Variants in AGPAT4 observed in about 807,000 individuals in gnomAD.
AGPAT4 encodes 1-acylglycerol-3-phosphate O-acyltransferase 4.
Under a neutral mutation model 48.0 loss-of-function variants are expected in AGPAT4, and 15 were observed. The observed-to-expected ratio is 0.31, with a 90% CI of 0.21 to 0.48. AGPAT4 has a LOEUF of 0.48. AGPAT4 is among the 20% of genes least tolerant of loss of function. The pLI, the probability that AGPAT4 is intolerant of heterozygous loss-of-function variation, is 0.99. For missense variants in AGPAT4, 314 were observed against 482.5 expected, an observed-to-expected ratio of 0.65 and a Z score of 3.27; for synonymous variants, 178 against 198.7, an observed-to-expected ratio of 0.90 and a Z score of 0.88.
intron 2 of AGPAT4, among the ~76,000 whole-genome samples, chr6:161,174,001 C>T (rs1270201452): frequency 1.3e-5 from 2 of 152,118 alleles, no homozygotes; most frequent in South Asian, 2.1e-4. Context: ...TTCCATTGGT[C>T]TATATCTCTG....
Position 161,141,955 on chromosome 6 carries a change from C to T in AGPAT4, c.844-2335G>A, listed in dbSNP as rs1024571530. On this transcript the variant is annotated intron_variant, in intron 7 of 8. Transcript: ENST00000320285. This position sits in a 1 kb window ranked among gnomAD's most constrained non-coding sequence, Gnocchi z 6.7. ...TCCTCTCACTGCAACCTCCGCCTCC[C>T]GGGTTCAAGCAATTTTCCCACCTCA... Among the ~76,000 whole-genome samples, 13 of 151,838 alleles carry T rather than the reference C, an allele frequency of 8.6e-5. No homozygotes were observed. Among genetic ancestry groups the T allele is most frequent in the African/African-American group, 3.1e-4 (13 of 41,400 alleles).
intron 1 of AGPAT4, among the ~76,000 whole-genome samples, chr6:161,241,801 C>T (rs894033960): frequency 6.6e-6 from 1 of 152,200 alleles, no homozygotes; most frequent in African/African-American, 2.4e-5. Context: ...GGCACAATCT[C>T]GGCTCACTGC....
At chr6:161,173,081 G>C (rs901035707) in intron 2 of AGPAT4, among the ~76,000 whole-genome samples, 3 of 152,146 alleles carry the variant, frequency 2.0e-5, no homozygotes, top group African/African-American at 7.2e-5. Context: ...CTTTGCTATT[G>C]TGAATAGTGC....
chr6:161,209,842 T>A (rs75343347), intron 2 of AGPAT4, among the ~76,000 whole-genome samples: 1 of 152,186 alleles, frequency 6.6e-6, no homozygotes, highest in East Asian at 1.9e-4. Context: ...CAGGATGTGA[T>A]GAAGAACAGA....
rs1781891178 is a variant in AGPAT4 at position 161,223,679 on chromosome 6, A to G, written c.178+8357T>C. 6.6e-6 allele frequency among the ~76,000 whole-genome samples: 1 copy of G among 152,198 alleles called. No individual in the cohort carries two copies. Among genetic ancestry groups the G allele is most frequent in the African/African-American group, 2.4e-5 (1 of 41,444 alleles). On this transcript the variant is annotated intron_variant, in intron 2 of 8. Coordinates refer to ENST00000320285, the MANE Select transcript of AGPAT4 (RefSeq NM_020133.3). This position sits in a 1 kb window ranked among gnomAD's most constrained non-coding sequence, Gnocchi z 6.3. ...CCCGTGGAGTGGCACCTCAGAGGCC[A>G]CAGGTTTGAGAACACATCACTTACT...
At position 161,177,614 on chromosome 6, in the gene AGPAT4, T is replaced by C. The variant is rs140746813; in HGVS notation, c.179-11197A>G. ...ACATCCTCCTTTAGCTCGGAGAAGT[T>C]TGTTATTACTGATCGTCTGAAGCCT... On this transcript the variant is annotated intron_variant, in intron 2 of 8. Transcript: ENST00000320285. This position sits in a 1 kb window ranked among gnomAD's most constrained non-coding sequence, Gnocchi z 5.0. Among the ~76,000 whole-genome samples, 1,002 of 152,324 alleles carry C rather than the reference T, an allele frequency of 6.6e-3. 9 individuals carry two copies. Among genetic ancestry groups the C allele is most frequent in the Non-Finnish European group, 9.9e-3 (676 of 68,032 alleles).
chr6:161,213,182 C>A (rs1781561763), intron 2 of AGPAT4, among the ~76,000 whole-genome samples: 1 of 152,202 alleles, frequency 6.6e-6, no homozygotes, highest in African/African-American at 2.4e-5. Context: ...CATGGCTGGG[C>A]TCGGCTTTAA....
Position 161,149,074 on chromosome 6 carries a change from C to G in AGPAT4, c.767+113G>C. The G allele has an allele frequency of 2.2e-6, 3 of 1,384,220 alleles. No individual in the cohort carries two copies. The highest frequency in any genetic ancestry group is 5.0e-5 in the East Asian group (2 of 40,182). The allele number at this position is 1,384,220 out of a possible 1,614,324, so 85.7% of individuals were successfully genotyped here. ...GTCAAATTCAATGCAAAACAGACTG[C>G]AAAGAAGTCAGTGTGACCCAGGGAT... On this transcript the variant is annotated intron_variant, in intron 6 of 8. Transcript: ENST00000320285. This position sits in a 1 kb window ranked among gnomAD's most constrained non-coding sequence, Gnocchi z 6.5.
Position 161,238,329 on chromosome 6 carries a change from G to A in AGPAT4, c.-89-6027C>T, listed in dbSNP as rs1023540138. On this transcript the variant is annotated intron_variant, in intron 1 of 8. Transcript: ENST00000320285. This position sits in a 1 kb window ranked among gnomAD's most constrained non-coding sequence, Gnocchi z 5.2. ...ACACTTGCCAGGATGCCTGGAACGG[G>A]GAAAACCCCAAGTAATGGGGGATTT... Among the ~76,000 whole-genome samples, 4 of 152,162 alleles carry A rather than the reference G, an allele frequency of 2.6e-5. No individual in the cohort carries two copies. The highest frequency in any genetic ancestry group is 7.2e-5 in the African/African-American group (3 of 41,438).
At chr6:161,160,608 T>C in intron 3 of AGPAT4, 1 of 201,472 alleles carries the variant, frequency 5.0e-6, no homozygotes, top group East Asian at 1.1e-4. Flanking sequence ...GGCATGCAGA[T>C]GTGCGGAGAG....
Position 161,166,264 on chromosome 6 carries a change from C to A in AGPAT4, c.332G>T (p.Arg111Leu). 2 of 1,614,078 alleles carry A rather than the reference C, an allele frequency of 1.2e-6. No homozygotes were observed. The highest frequency in any genetic ancestry group is 1.7e-6 in the Non-Finnish European group (2 of 1,179,982). The change falls in exon 3 of 9, where the codon CGC becomes CTC. Residue 111 changes from arginine to leucine, a missense_variant. Arg to Leu is a moderately radical substitution (Grantham distance 102). Coordinates refer to ENST00000320285, the MANE Select transcript of AGPAT4 (RefSeq NM_020133.3). The surrounding 1 kb of genome is among the most constrained non-coding windows in gnomAD (Gnocchi z 6.7). ...DFLCGWSLSERFGLLGGSKVL... is the reference protein window; with the variant it reads ...DFLCGWSLSELFGLLGGSKVL... ...CTGACTTACCCCTAACAGCCCAAAG[C>A]GTTCGGACAGGCTCCAGCCACACAG...
At position 161,137,259 on chromosome 6, in the gene AGPAT4, G is replaced by C. The variant is rs909902489; in HGVS notation, c.1043-625C>G. On this transcript the variant is annotated intron_variant, in intron 8 of 8. Coordinates refer to ENST00000320285, the MANE Select transcript of AGPAT4 (RefSeq NM_020133.3). This position sits in a 1 kb window ranked among gnomAD's most constrained non-coding sequence, Gnocchi z 6.1. ...CAATTTCAACTACACCCTCTGGAGC[G>C]GGCAGATGTGGTGAGGTCCTTGGGT... Among the ~76,000 whole-genome samples, 1 of 152,170 alleles carries C rather than the reference G, an allele frequency of 6.6e-6. No individual in the cohort carries two copies. The highest frequency in any genetic ancestry group is 2.4e-5 in the African/African-American group (1 of 41,442).
rs1301435727 is a variant in AGPAT4 at position 161,133,045 on chromosome 6, C to G, written c.*3495G>C. ...AACCTAGTATGTGGCAAGTCTGGAC[C>G]ACTGCTTTAGAGAAAGCTGGATTAA... On this transcript the variant is annotated 3_prime_UTR_variant, in exon 9 of 9. Coordinates refer to ENST00000320285, the MANE Select transcript of AGPAT4 (RefSeq NM_020133.3). The G allele has an allele frequency of 6.6e-6, 1 of 152,184 alleles. No homozygotes were observed. Among genetic ancestry groups the G allele is most frequent in the African/African-American group, 2.4e-5 (1 of 41,430 alleles). The allele number at this position is 152,184 out of a possible 1,614,324, so 9.4% of individuals were successfully genotyped here. A position where few individuals can be genotyped will look rare whatever the true frequency, so the allele number is the denominator to read the frequency against.
chr6:161,258,170 CATGAGACCTCA>C (rs1446780783), intron 1 of AGPAT4, among the ~76,000 whole-genome samples: 1 of 152,106 alleles, frequency 6.6e-6, no homozygotes, highest in African/African-American at 2.4e-5. Flanking sequence ...TTTTTTCCTC[CATGAGACCTCA>C]AAGACTGAGA....
chr6:161,144,807 C>T lies in AGPAT4; in HGVS notation c.843+1717G>A, dbSNP rs1422680504. On this transcript the variant is annotated intron_variant, in intron 7 of 8. Coordinates refer to ENST00000320285, the MANE Select transcript of AGPAT4 (RefSeq NM_020133.3). The surrounding 1 kb of genome is among the most constrained non-coding windows in gnomAD (Gnocchi z 6.6). ...CATCCTGGCAAACACGGTGAAACCC[C>T]GTCTCTACTAAACATACAAAAAAAT... Among the ~76,000 whole-genome samples, 4 of 152,110 alleles carry T rather than the reference C, an allele frequency of 2.6e-5. No homozygotes were observed. In the East Asian group the frequency reaches 5.8e-4, roughly 22 times the overall value.
In AGPAT4 at chr6:161,180,970, A is replaced by AGTT. The variant is rs1780567490; in HGVS notation, c.179-14554_179-14553insAAC. 6.6e-6 allele frequency among the ~76,000 whole-genome samples: 1 copy of AGTT among 152,334 alleles called. No homozygotes were observed. The highest frequency in any genetic ancestry group is 1.5e-5 in the Non-Finnish European group (1 of 68,038). On this transcript the variant is annotated intron_variant, in intron 2 of 8. Coordinates refer to ENST00000320285, the MANE Select transcript of AGPAT4 (RefSeq NM_020133.3). This position sits in a 1 kb window ranked among gnomAD's most constrained non-coding sequence, Gnocchi z 6.4. Reference sequence around the variant, plus strand: ...CAAAAACAAAGTGGAGTTAAGGAAGAAAGGCCTCTGCTGTCCTATCTGTAA... The same window carrying AGTT: ...CAAAAACAAAGTGGAGTTAAGGAAGAGTTAAGGCCTCTGCTGTCCTATCTGTAA...
rs1339334534 is a variant in AGPAT4 at position 161,197,783 on chromosome 6, A to T, written c.179-31366T>A. Among the ~76,000 whole-genome samples the T allele has an allele frequency of 6.6e-5, 10 of 152,138 alleles. No individual in the cohort carries two copies. The East Asian group carries it at 1.9e-3, about 29-fold the overall frequency. ...CCCACAGAGGGCACCCAGGAGAGTT[A>T]AGTGCCTGCCGGAGTTCTGGAAATA... On this transcript the variant is annotated intron_variant, in intron 2 of 8. Coordinates refer to ENST00000320285, the MANE Select transcript of AGPAT4 (RefSeq NM_020133.3). The surrounding 1 kb of genome is among the most constrained non-coding windows in gnomAD (Gnocchi z 5.7).
chr6:161,180,046 C>T lies in AGPAT4; in HGVS notation c.179-13629G>A, dbSNP rs1326672056. Among the ~76,000 whole-genome samples, 1 of 152,186 alleles carries T rather than the reference C, an allele frequency of 6.6e-6. No individual in the cohort carries two copies. The highest frequency in any genetic ancestry group is 1.5e-5 in the Non-Finnish European group (1 of 68,034). On this transcript the variant is annotated intron_variant, in intron 2 of 8. Coordinates refer to ENST00000320285, the MANE Select transcript of AGPAT4 (RefSeq NM_020133.3). The surrounding 1 kb of genome is among the most constrained non-coding windows in gnomAD (Gnocchi z 6.4). ...TAGGCAGCCCTGAATCTGCTATCCC[C>T]AAAGACCTCCTTATTCTCAGCTCCT...
chr6:161,231,975 C>T lies in AGPAT4; in HGVS notation c.178+61G>A. 6.6e-7 allele frequency: 1 copy of T among 1,512,320 alleles called. No individual in the cohort carries two copies. The highest frequency in any genetic ancestry group is 9.1e-7 in the Non-Finnish European group (1 of 1,104,812). 93.7% of individuals were successfully genotyped at this position (1,512,320 alleles called of 1,614,324 possible). A position where few individuals can be genotyped will look rare whatever the true frequency, so the allele number is the denominator to read the frequency against. On this transcript the variant is annotated intron_variant, in intron 2 of 8. Transcript: ENST00000320285. The surrounding 1 kb of genome is among the most constrained non-coding windows in gnomAD (Gnocchi z 5.3). ...AAGCCTAGTGAATCCATATCAAGAGCCATAATTCTGATACACACATCCACA... is the reference window on the plus strand; with the variant it reads ...AAGCCTAGTGAATCCATATCAAGAGTCATAATTCTGATACACACATCCACA...
Sources: gnomAD v4.1 joint callset for allele counts (sites outside exome capture counted in the v4.1 genomes callset) on GRCh38, gnomAD v4.1.1 for gene constraint, Gnocchi (gnomAD v3.1) non-coding constraint, MANE v1.5 for transcripts, NCBI Gene and HGNC (gene_info 2026-07-23, HGNC 2026-07-21) for gene names.